Variants in CACNG2 observed in about 807,000 individuals in gnomAD.
The protein encoded by CACNG2 is voltage-dependent calcium channel gamma-2 subunit.
CACNG2 carries 3 observed loss-of-function variants against 25.9 expected under a neutral mutation model. The observed-to-expected ratio is 0.12, with a 90% CI of 0.05 to 0.30. The LOEUF (loss-of-function observed/expected upper bound fraction) is 0.30. CACNG2 is among the 10% of genes least tolerant of loss of function. CACNG2 has a pLI of 1.00. For synonymous variants in CACNG2, 167 were observed against 173.3 expected (o/e 0.96, Z 0.29); for missense variants, 341 against 432.5 (o/e 0.79, Z 1.88).
intron 1 of CACNG2, among the ~76,000 whole-genome samples, chr22:36,654,458 CT>C (rs1371705228): frequency 6.6e-6 from 1 of 152,056 alleles, no homozygotes; most frequent in Non-Finnish European, 1.5e-5. Flanking sequence ...TCTTGAACTC[CT>C]GGGCCCAAGT....
chr22:36,689,450 C>T (rs1056652120), intron 1 of CACNG2, among the ~76,000 whole-genome samples: 15 of 152,192 alleles, frequency 9.9e-5, no homozygotes, highest in Middle Eastern at 3.2e-3. Context: ...AGACTCCCCT[C>T]GGCAGCTGAT....
chr22:36,671,488 C>T (rs769996479), intron 1 of CACNG2, among the ~76,000 whole-genome samples: 3 of 152,246 alleles, frequency 2.0e-5, no homozygotes, highest in African/African-American at 7.2e-5. Context: ...CTGTGACTGA[C>T]GGGTGACTGC....
intron 1 of CACNG2, among the ~76,000 whole-genome samples, chr22:36,623,639 C>T (rs1936141466): frequency 6.6e-6 from 1 of 151,972 alleles, no homozygotes; most frequent in Non-Finnish European, 1.5e-5. Context: ...AAGACTGAGA[C>T]TGAAAGAGTG....
At chr22:36,667,441 G>A (rs1469501814) in intron 1 of CACNG2, among the ~76,000 whole-genome samples, 1 of 152,180 alleles carries the variant, frequency 6.6e-6, no homozygotes, top group Non-Finnish European at 1.5e-5. Context: ...TGAGGGCCAT[G>A]CCTTGCACTT....
At chr22:36,624,609 C>T (rs1449445638) in intron 1 of CACNG2, among the ~76,000 whole-genome samples, 6 of 152,112 alleles carry the variant, frequency 3.9e-5, no homozygotes, top group South Asian at 4.2e-4. Flanking sequence ...ATCTTGCTGG[C>T]CCCCCTCCAA....
intron 1 of CACNG2, among the ~76,000 whole-genome samples, chr22:36,673,566 G>A (rs967357544): frequency 6.6e-6 from 1 of 152,084 alleles, no homozygotes; most frequent in Admixed American, 6.5e-5. Context: ...CAGGGGCACC[G>A]CAGGCAGGAG....
chr22:36,682,399 G>T (rs1469738025), intron 1 of CACNG2, among the ~76,000 whole-genome samples: 1 of 152,120 alleles, frequency 6.6e-6, no homozygotes, highest in Non-Finnish European at 1.5e-5. Context: ...TATACAGGAG[G>T]GTGCTCAATA....
chr22:36,580,281 G>A (rs1257354839), intron 2 of CACNG2, among the ~76,000 whole-genome samples: 2 of 152,034 alleles, frequency 1.3e-5, no homozygotes, highest in Non-Finnish European at 2.9e-5. Context: ...GCCATCGTAT[G>A]GGTCCTCCCT....
intron 1 of CACNG2, among the ~76,000 whole-genome samples, chr22:36,591,123 G>A (rs1254189692): frequency 2.0e-5 from 3 of 151,526 alleles, no homozygotes; most frequent in African/African-American, 7.3e-5. Context: ...TGCAAGCTCC[G>A]CCTCCCGGGT....
chr22:36,585,107 A>G (rs1718262340), intron 2 of CACNG2: 1 of 152,306 alleles, frequency 6.6e-6, no homozygotes, highest in Non-Finnish European at 1.5e-5. Flanking sequence ...TTGCTCAGTC[A>G]TCAAAGTGCT....
chr22:36,636,571 T>C (rs1936361100), intron 1 of CACNG2, among the ~76,000 whole-genome samples: 1 of 152,198 alleles, frequency 6.6e-6, no homozygotes, highest in African/African-American at 2.4e-5. Context: ...CTGTACATCA[T>C]AGATCTGATA....
intron 1 of CACNG2, among the ~76,000 whole-genome samples, chr22:36,601,732 C>T (rs1247307353): frequency 6.6e-6 from 1 of 152,164 alleles, no homozygotes; most frequent in Non-Finnish European, 1.5e-5. Context: ...ATCCATGCGC[C>T]TCGGCCTCCT....
At chr22:36,571,540 C>T (rs1385570177) in intron 2 of CACNG2, among the ~76,000 whole-genome samples, 1 of 151,846 alleles carries the variant, frequency 6.6e-6, no homozygotes, top group Non-Finnish European at 1.5e-5. Context: ...ATCCCCAGAG[C>T]AAGATTTGCA....
At chr22:36,572,232 C>T (rs1935243855) in intron 2 of CACNG2, among the ~76,000 whole-genome samples, 1 of 152,206 alleles carries the variant, frequency 6.6e-6, no homozygotes, top group South Asian at 2.1e-4. Context: ...ATACCAGCCC[C>T]ATGAAGCCAT....
intron 1 of CACNG2, among the ~76,000 whole-genome samples, chr22:36,685,503 G>A (rs1937184099): frequency 6.6e-6 from 1 of 151,922 alleles, no homozygotes. Context: ...TACCCCCATC[G>A]CTCTGCCCCC....
At chr22:36,653,982 C>CTGTG (rs34435196) in intron 1 of CACNG2, among the ~76,000 whole-genome samples, 3,408 of 134,138 alleles carry the variant, frequency 0.025, 56 homozygotes, top group East Asian at 0.046. Context: ...GTGTGTGTCT[C>CTGTG]TGTGTGTGTG....
At chr22:36,665,299 C>A (rs924178143) in intron 1 of CACNG2, among the ~76,000 whole-genome samples, 1 of 152,170 alleles carries the variant, frequency 6.6e-6, no homozygotes, top group Non-Finnish European at 1.5e-5. Context: ...TTGTGTGACC[C>A]TGGGCAGTTT....
At chr22:36,599,726 G>A (rs1935726803) in intron 1 of CACNG2, among the ~76,000 whole-genome samples, 2 of 152,096 alleles carry the variant, frequency 1.3e-5, no homozygotes. Context: ...ATGTTTTCTT[G>A]AGATAGGGTA....
rs530867507 is a variant in CACNG2, at chr22:36,566,557, G to A, written c.296-64C>T. On this transcript the variant is annotated intron_variant, in intron 2 of 3. Transcript: ENST00000300105. The stretch of plus-strand genomic sequence containing the variant: ...TGGCTGTGAGACTGAGGCACACAGA[G>A]GCAGGTGGGAGAGCAGCCCCGAGGC... 64 of 1,582,594 alleles carry A rather than the reference G, an allele frequency of 4.0e-5. No homozygotes were observed. In the East Asian group the frequency reaches 1.4e-3, roughly 35 times the overall value.
Sources: gnomAD v4.1 joint callset for allele counts (sites outside exome capture counted in the v4.1 genomes callset) on GRCh38, gnomAD v4.1.1 for gene constraint, MANE v1.5 for transcripts, NCBI Gene and HGNC (gene_info 2026-07-23, HGNC 2026-07-21) for gene names.